The following NWD1 variants were observed in gnomAD, a reference collection of about 807,000 sequenced individuals.
NWD1 encodes the protein NACHT and WD repeat domain containing 1.
NWD1 carries 129 observed loss-of-function variants against 135.1 expected under a neutral mutation model. The ratio of observed to expected loss-of-function variants is 0.96; its 90% CI spans 0.83 to 1.11. The LOEUF (loss-of-function observed/expected upper bound fraction) is 1.11, where lower values mean the gene tolerates loss of function less well. Ranked by LOEUF, NWD1 falls within the 50% of genes least tolerant of loss-of-function variation. The pLI is 0.00. For synonymous variants in NWD1, 773 were observed against 786.0 expected (o/e 0.98, Z 0.28); for missense variants, 1,740 against 1,851.3 (o/e 0.94, Z 1.10).
intron 6 of NWD1, among the ~76,000 whole-genome samples, chr19:16,755,228 G>T (rs77659325): frequency 0.026 from 3,862 of 149,794 alleles, 118 homozygotes; most frequent in African/African-American, 0.073. Context: ...TCTCTTTTTT[G>T]GGGGGGGACA....
chr19:16,731,621 T>C (rs1002638577), intron 3 of NWD1, among the ~76,000 whole-genome samples: 108 of 150,548 alleles, frequency 7.2e-4, no homozygotes, highest in African/African-American at 2.5e-3. Flanking sequence ...TTTTTTTTTT[T>C]TGAGACAGAG....
intron 5 of NWD1, among the ~76,000 whole-genome samples, chr19:16,746,192 TA>T (rs35612445): frequency 0.085 from 11,925 of 140,264 alleles, 591 homozygotes; most frequent in African/African-American, 0.16. Flanking sequence ...CACCTTTATT[TA>T]AAAAAAAAAA....
intron 15 of NWD1, among the ~76,000 whole-genome samples, chr19:16,794,833 G>C (rs1203113164): frequency 6.6e-6 from 1 of 152,074 alleles, no homozygotes; most frequent in Non-Finnish European, 1.5e-5. Context: ...CCAGACTGGA[G>C]TGGAGTGGCT....
rs561352648 is a variant in NWD1 at position 16,813,223 on chromosome 19, G to T, written c.4288-1805G>T. On this transcript the variant is annotated intron_variant, in intron 18 of 18. Coordinates refer to ENST00000524140, the MANE Select transcript of NWD1 (RefSeq NM_001007525.5). ...GATGGAGCTGAGAAGAGTGAGAAGA[G>T]GGTCAAGTCACTAGTAGTGGGGGGC... Among the ~76,000 whole-genome samples, 6 of 152,186 alleles carry T rather than the reference G, an allele frequency of 3.9e-5. No individual in the cohort carries two copies. The East Asian group carries it at 1.2e-3, about 29-fold the overall frequency.
Position 16,773,158 on chromosome 19 carries a change from A to T in NWD1, c.2443A>T (p.Arg815Ter), listed in dbSNP as rs187115150. 19 of 1,613,928 alleles carry T rather than the reference A, an allele frequency of 1.2e-5. No homozygotes were observed. The Admixed American group carries it at 2.8e-4, about 24-fold the overall frequency. The change falls in exon 11 of 19, where the codon AGA (arginine) becomes TGA (stop). Residue 815 changes from arginine to a stop codon, truncating the protein, a stop_gained. Transcript: ENST00000524140. LOFTEE classifies it high-confidence loss of function. ...RSLLYTELLA[R>*]LHFFATSHPA... is the part of the protein sequence containing the mutation. ...CCTCCTGTACACAGAACTGCTGGCC[A>T]GACTCCATTTCTTCGCCACCTCACA...
At chr19:16,805,136 G>T (rs1024761830) in intron 17 of NWD1, among the ~76,000 whole-genome samples, 2 of 151,896 alleles carry the variant, frequency 1.3e-5, no homozygotes, top group African/African-American at 4.8e-5. Flanking sequence ...TCAGTTCACT[G>T]CAACCTCCGC....
chr19:16,724,809 C>T (rs1395277025), intron 2 of NWD1, among the ~76,000 whole-genome samples: 1 of 151,974 alleles, frequency 6.6e-6, no homozygotes, highest in African/African-American at 2.4e-5. Context: ...TCTCCTGCCT[C>T]AGCCTCCCAA....
intron 7 of NWD1, among the ~76,000 whole-genome samples, chr19:16,760,970 G>A (rs956388615): frequency 2.6e-5 from 4 of 152,024 alleles, no homozygotes; most frequent in African/African-American, 7.3e-5. Flanking sequence ...GTTCCAGAAC[G>A]TTTTCATCTC....
At position 16,744,439 on chromosome 19, in the gene NWD1, T is replaced by C. The variant is rs1454258391; in HGVS notation, c.217T>C (p.Tyr73His). The C allele has an allele frequency of 2.0e-6, 3 of 1,535,628 alleles. No individual in the cohort carries two copies. The highest frequency in any genetic ancestry group is 8.7e-7 in the Non-Finnish European group (1 of 1,146,622). Residue 73 changes from tyrosine to histidine, a missense_variant, in exon 5 of 19, where the codon TAC becomes CAC. By Grantham distance (83) the Tyr-to-His change is moderately conservative. Transcript: ENST00000524140. ...PAFVALIGDQ[Y>H]GPCLIPSRID... ...CTGCCAGGCCCTCATCGGTGATCAGTACGGCCCCTGTCTGATTCCCTCGCG... is the reference window on the plus strand; with the variant it reads ...CTGCCAGGCCCTCATCGGTGATCAGCACGGCCCCTGTCTGATTCCCTCGCG...
At chr19:16,732,678 G>GAAAAAAAAAAAAAAAA (rs1967629872) in intron 3 of NWD1, among the ~76,000 whole-genome samples, 34 of 51,590 alleles carry the variant, frequency 6.6e-4, no homozygotes, top group African/African-American at 4.5e-3. Context: ...AAGAAAAAGT[G>GAAAAAAAAAAAAAAAA]AAAAAGTGCA....
Position 16,744,446 on chromosome 19 carries a change from CCTGT to C in NWD1, c.228_231del (p.Cys76Ter). 8 of 1,535,772 alleles carry C rather than the reference CCTGT, an allele frequency of 5.2e-6. No individual in the cohort carries two copies. Among genetic ancestry groups the C allele is most frequent in the Non-Finnish European group, 7.0e-6 (8 of 1,146,650 alleles). ...GCCCTCATCGGTGATCAGTACGGCC[CCTGT>C]CTGATTCCCTCGCGGATCGATGAGA... On this transcript the variant is annotated frameshift_variant, in exon 5 of 19. Coordinates refer to ENST00000524140, the MANE Select transcript of NWD1 (RefSeq NM_001007525.5). LOFTEE classifies it high-confidence loss of function.
intron 1 of NWD1, among the ~76,000 whole-genome samples, chr19:16,723,457 G>A (rs540939643): frequency 2.0e-4 from 30 of 151,980 alleles, no homozygotes; most frequent in South Asian, 6.2e-4. Context: ...TTACAGGCGT[G>A]AGCCACCAAG....
intron 3 of NWD1, among the ~76,000 whole-genome samples, chr19:16,735,849 G>A (rs1251100034): frequency 6.8e-4 from 35 of 51,176 alleles, no homozygotes; most frequent in African/African-American, 4.2e-3. Flanking sequence ...AAGGAAGGAA[G>A]GAAGGAAGGA....
intron 6 of NWD1, among the ~76,000 whole-genome samples, chr19:16,751,105 T>A (rs1021166680): frequency 1.3e-5 from 2 of 151,246 alleles, no homozygotes; most frequent in African/African-American, 4.9e-5. Flanking sequence ...ATGCCTGTAA[T>A]CCCAGCTACT....
At chr19:16,800,591 T>C (rs1970575137) in intron 17 of NWD1, among the ~76,000 whole-genome samples, 1 of 152,082 alleles carries the variant, frequency 6.6e-6, no homozygotes, top group South Asian at 2.1e-4. Context: ...AGAAACATTA[T>C]TCCTCAACAT....
chr19:16,720,903 C>T lies in NWD1; in HGVS notation c.-105+610C>T, dbSNP rs139991241. The stretch of plus-strand genomic sequence containing the variant: ...CCTTGCTCTGTTGCCCAGGCTGGAG[C>T]GCAGTGGCACGATCTCGGCTCACTG... On this transcript the variant is annotated intron_variant, in intron 1 of 18. Transcript: ENST00000524140. Among the ~76,000 whole-genome samples, 53 of 151,802 alleles carry T rather than the reference C, an allele frequency of 3.5e-4. 2 individuals carry two copies. The East Asian group carries it at 6.4e-3, about 18-fold the overall frequency.
chr19:16,777,463 G>A (rs1356118363), intron 11 of NWD1, among the ~76,000 whole-genome samples: 9 of 8,328 alleles, frequency 1.1e-3, no homozygotes, highest in African/African-American at 5.4e-3. Flanking sequence ...AATGGGAGGG[G>A]AGGGAAGAGG....
At chr19:16,731,762 G>T (rs1485221956) in intron 3 of NWD1, among the ~76,000 whole-genome samples, 1 of 149,964 alleles carries the variant, frequency 6.7e-6, no homozygotes, top group Non-Finnish European at 1.5e-5. Context: ...CCGCCACCAC[G>T]CCCCTCTATC....
At chr19:16,799,452 C>T (rs1970526837) in intron 16 of NWD1, among the ~76,000 whole-genome samples, 1 of 152,082 alleles carries the variant, frequency 6.6e-6, no homozygotes, top group Non-Finnish European at 1.5e-5. Flanking sequence ...CCTCAGCCTT[C>T]CAAAGTGCTG....
Sources: gnomAD v4.1 joint callset for allele counts (sites outside exome capture counted in the v4.1 genomes callset) on GRCh38, gnomAD v4.1.1 for gene constraint, MANE v1.5 for transcripts, NCBI Gene and HGNC (gene_info 2026-07-23, HGNC 2026-07-21) for gene names.